Variants in ATP6V1H observed in about 807,000 individuals in gnomAD.
ATP6V1H encodes the protein V-type proton ATPase subunit H.
Under a neutral mutation model 71.7 loss-of-function variants are expected in ATP6V1H, and 39 were observed. The observed-to-expected ratio is 0.54, with a 90% confidence interval of 0.42 to 0.71. ATP6V1H has a LOEUF of 0.71. Ranked by LOEUF, ATP6V1H falls within the 30% of genes least tolerant of loss-of-function variation. The pLI, the probability that ATP6V1H is intolerant of heterozygous loss-of-function variation, is 0.00. For synonymous variants in ATP6V1H, 192 were observed against 199.3 expected (o/e 0.96, Z 0.31); for missense variants, 509 against 594.9 (o/e 0.86, Z 1.50).
At chr8:53,754,027 C>A (rs946364260) in intron 12 of ATP6V1H, among the ~76,000 whole-genome samples, 22 of 152,124 alleles carry the variant, frequency 1.4e-4, no homozygotes, top group African/African-American at 5.3e-4. Context: ...CACAAGTGAA[C>A]ATAAAGGAAG....
chr8:53,746,640 C>T (rs1335895582), intron 12 of ATP6V1H, among the ~76,000 whole-genome samples: 2 of 152,048 alleles, frequency 1.3e-5, no homozygotes, highest in Non-Finnish European at 2.9e-5. Flanking sequence ...GGGTCTCATA[C>T]CAAGTGGATG....
chr8:53,791,879 C>T (rs569731582), intron 9 of ATP6V1H, among the ~76,000 whole-genome samples: 4 of 152,138 alleles, frequency 2.6e-5, no homozygotes, highest in Middle Eastern at 3.2e-3. Flanking sequence ...TCTGTGTCCC[C>T]GAATAATTAG....
At chr8:53,801,688 C>A in intron 8 of ATP6V1H, 111 bp downstream of exon 8, 2 of 892,976 alleles carry the variant, frequency 2.2e-6, no homozygotes, top group Non-Finnish European at 1.7e-6. Flanking sequence ...AATTGTTAAA[C>A]AGATATGAAA....
intron 7 of ATP6V1H, among the ~76,000 whole-genome samples, chr8:53,805,999 G>A (rs1810064258): frequency 6.6e-6 from 1 of 152,124 alleles, no homozygotes; most frequent in Non-Finnish European, 1.5e-5. Flanking sequence ...AAGGCAGTAG[G>A]AGGAATTATG....
At chr8:53,790,887 T>C (rs891658298) in intron 9 of ATP6V1H, among the ~76,000 whole-genome samples, 24 of 152,194 alleles carry the variant, frequency 1.6e-4, no homozygotes, top group Non-Finnish European at 1.2e-4. Flanking sequence ...GGGAGTGATA[T>C]TGTGGGTAAT....
chr8:53,792,865 A>G (rs1410777876), intron 9 of ATP6V1H, among the ~76,000 whole-genome samples: 1 of 152,244 alleles, frequency 6.6e-6, no homozygotes, highest in Non-Finnish European at 1.5e-5. Context: ...CACGCATCAT[A>G]TTGCCTGAGT....
intron 12 of ATP6V1H, among the ~76,000 whole-genome samples, chr8:53,755,724 ATATATATATATATATATATATTTTTT>A (rs1808018627): frequency 1.7e-4 from 1 of 5,912 alleles, no homozygotes; most frequent in African/African-American, 1.2e-3. Context: ...ATATATATAT[ATATATATATATATATATATATTTTTT>A]TTTTTTTTTT....
chr8:53,808,098 C>G (rs1810149766), intron 7 of ATP6V1H, among the ~76,000 whole-genome samples: 1 of 152,336 alleles, frequency 6.6e-6, no homozygotes, highest in Non-Finnish European at 1.5e-5. Flanking sequence ...GCTTCTGCAA[C>G]ACAAATCACA....
intron 6 of ATP6V1H, 43 bp downstream of exon 6, chr8:53,814,619 T>G: frequency 9.6e-7 from 1 of 1,038,010 alleles, no homozygotes; most frequent in Non-Finnish European, 1.5e-6. Flanking sequence ...AGAACACGGA[T>G]GTTATATTCC....
chr8:53,723,930 T>C (rs1304311196), intron 13 of ATP6V1H, among the ~76,000 whole-genome samples: 2 of 152,368 alleles, frequency 1.3e-5, no homozygotes, highest in African/African-American at 4.8e-5. Flanking sequence ...AGGTGATGAA[T>C]GGACCTACTA....
At chr8:53,829,380 C>T (rs1810922802) in intron 4 of ATP6V1H, 64 bp downstream of exon 4, 1 of 966,310 alleles carries the variant, frequency 1.0e-6, no homozygotes, top group Non-Finnish European at 1.6e-6. Flanking sequence ...ACCAAAAATG[C>T]TGCTACTGTG....
At chr8:53,764,681 T>C (rs1201402260) in intron 11 of ATP6V1H, among the ~76,000 whole-genome samples, 1 of 152,154 alleles carries the variant, frequency 6.6e-6, no homozygotes, top group Non-Finnish European at 1.5e-5. Context: ...TATCATTAAG[T>C]GTAATAAGAC....
At chr8:53,801,946 T>C (rs376635956) in intron 7 of ATP6V1H, 50 bp from the exon 8 acceptor site, 14 of 1,507,954 alleles carry the variant, frequency 9.3e-6, no homozygotes, top group South Asian at 8.2e-5. Flanking sequence ...TTTAAAGTCA[T>C]GCGATCAGAC....
At chr8:53,812,191 T>C (rs988471822) in intron 6 of ATP6V1H, among the ~76,000 whole-genome samples, 6 of 152,200 alleles carry the variant, frequency 3.9e-5, no homozygotes, top group Admixed American at 2.0e-4. Context: ...GCAGAAGCAG[T>C]AGCCAGACTA....
intron 9 of ATP6V1H, among the ~76,000 whole-genome samples, chr8:53,775,596 C>G (rs189208542): frequency 2.1e-3 from 319 of 152,214 alleles, no homozygotes; most frequent in African/African-American, 7.2e-3. Context: ...TACAGAGTGT[C>G]GATTGGTGCA....
In ATP6V1H at chr8:53,834,474, G is replaced by A. The variant is rs181118250; in HGVS notation, c.114-1388C>T. Among the ~76,000 whole-genome samples the A allele has an allele frequency of 2.3e-3, 344 of 152,290 alleles. 2 individuals carry two copies. The highest frequency in any genetic ancestry group is 7.9e-3 in the African/African-American group (327 of 41,564). Reference sequence around the variant, plus strand: ...CAGAGTCTCACTCTGTTGCCAGGCTGGAGTGCAGTGGCACGATCTCAGCTC... The same window carrying A: ...CAGAGTCTCACTCTGTTGCCAGGCTAGAGTGCAGTGGCACGATCTCAGCTC... On this transcript the variant is annotated intron_variant, in intron 2 of 13. Coordinates refer to ENST00000359530, the MANE Select transcript of ATP6V1H (RefSeq NM_015941.4).
At chr8:53,765,699 T>A (rs1026503518) in intron 11 of ATP6V1H, among the ~76,000 whole-genome samples, 4 of 152,230 alleles carry the variant, frequency 2.6e-5, no homozygotes, top group Admixed American at 2.6e-4. Flanking sequence ...AGATATCAAC[T>A]GTTCCCAACT....
intron 4 of ATP6V1H, among the ~76,000 whole-genome samples, chr8:53,825,274 C>T (rs540858669): frequency 6.6e-6 from 1 of 152,106 alleles, no homozygotes; most frequent in Middle Eastern, 3.4e-3. Flanking sequence ...TGGCTTCAAG[C>T]GATCCTCCCA....
intron 12 of ATP6V1H, among the ~76,000 whole-genome samples, chr8:53,753,262 G>A (rs1039699583): frequency 6.6e-6 from 1 of 152,104 alleles, no homozygotes; most frequent in African/African-American, 2.4e-5. Flanking sequence ...GCCACTGGAA[G>A]GACATAGAAA....
Sources: allele counts gnomAD v4.1 joint callset (sites outside exome capture counted in the v4.1 genomes callset), GRCh38; gene constraint gnomAD v4.1.1; transcripts MANE v1.5; gene names NCBI Gene and HGNC (gene_info 2026-07-23, HGNC 2026-07-21).